The following MAN1A2 variants were observed in gnomAD, a reference collection of about 807,000 sequenced individuals.
MAN1A2 encodes mannosyl-oligosaccharide 1,2-alpha-mannosidase IB.
A neutral mutation model predicts 75.7 loss-of-function variants in MAN1A2; 26 were observed. That is an observed-to-expected ratio of 0.34 (90% confidence interval 0.25 to 0.48). The LOEUF (loss-of-function observed/expected upper bound fraction) is 0.48, where lower values mean the gene tolerates loss of function less well. Among genes scored for constraint, MAN1A2 ranks in the 20% least tolerant of loss-of-function variants. The pLI, the probability that MAN1A2 is intolerant of heterozygous loss-of-function variation, is 0.99. For synonymous variants in MAN1A2, 247 were observed against 264.6 expected, an observed-to-expected ratio of 0.93 and a Z score of 0.65; for missense variants, 562 against 775.5, an observed-to-expected ratio of 0.72 and a Z score of 3.27.
At chr1:117,384,315 G>A (rs563097628) in intron 1 of MAN1A2, among the ~76,000 whole-genome samples, 1 of 152,094 alleles carries the variant, frequency 6.6e-6, no homozygotes, top group East Asian at 1.9e-4. Context: ...ATGTGTTTTT[G>A]TCTTCATTTA....
At chr1:117,414,156 C>G (rs904923905) in intron 3 of MAN1A2, among the ~76,000 whole-genome samples, 8 of 151,196 alleles carry the variant, frequency 5.3e-5, no homozygotes, top group African/African-American at 1.9e-4. Flanking sequence ...TTCCTTTTTT[C>G]AATTTGATCT....
At chr1:117,417,797 A>C (rs1648055400) in intron 4 of MAN1A2, among the ~76,000 whole-genome samples, 1 of 151,376 alleles carries the variant, frequency 6.6e-6, no homozygotes, top group Non-Finnish European at 1.5e-5. Context: ...GGCAGTTTGA[A>C]ATTAATCAAT....
intron 1 of MAN1A2, among the ~76,000 whole-genome samples, chr1:117,372,104 G>A (rs1468190692): frequency 6.6e-6 from 1 of 152,094 alleles, no homozygotes; most frequent in African/African-American, 2.4e-5. Context: ...TAAAAGCAAG[G>A]GAATGACATG....
rs1377998970 is a variant in MAN1A2 at position 117,458,497 on chromosome 1, C to CTCTA, written c.951-1991_951-1990insCTAT. On this transcript the variant is annotated intron_variant, in intron 6 of 12. Transcript: ENST00000356554. Reference sequence around the variant, plus strand: ...TATAAGATGAGAAATATATATATATCTATATATATATATAGATATATATAT... The same window carrying CTCTA: ...TATAAGATGAGAAATATATATATATCTCTATATATATATATATAGATATATATAT... Among the ~76,000 whole-genome samples, 420 of 103,780 alleles carry CTCTA rather than the reference C, an allele frequency of 4.0e-3. 5 individuals are homozygous for CTCTA. Among genetic ancestry groups the CTCTA allele is most frequent in the African/African-American group, 0.013 (399 of 30,374 alleles). The allele number at this position is 103,780 out of a possible 152,430, so 68.1% of individuals were successfully genotyped here. A position where few individuals can be genotyped will look rare whatever the true frequency, so the allele number is the denominator to read the frequency against.
At chr1:117,386,213 T>A (rs2101732708) in intron 1 of MAN1A2, among the ~76,000 whole-genome samples, 1 of 152,316 alleles carries the variant, frequency 6.6e-6, no homozygotes, top group African/African-American at 2.4e-5. Context: ...TGACTTAAAA[T>A]AAAATAAGGG....
At chr1:117,518,067 A>G (rs1651765260) in intron 12 of MAN1A2, among the ~76,000 whole-genome samples, 1 of 152,010 alleles carries the variant, frequency 6.6e-6, no homozygotes, top group South Asian at 2.1e-4. Context: ...TCATAAAAAT[A>G]AAAATATTTG....
intron 6 of MAN1A2, among the ~76,000 whole-genome samples, chr1:117,458,523 A>AATT (rs372300456): frequency 9.5e-6 from 1 of 105,604 alleles, no homozygotes; most frequent in African/African-American, 3.5e-5. Flanking sequence ...ATATATATAT[A>AATT]TTTTTTTTTT....
At chr1:117,458,629 T>C (rs1166297677) in intron 6 of MAN1A2, among the ~76,000 whole-genome samples, 10 of 150,874 alleles carry the variant, frequency 6.6e-5, no homozygotes, top group Admixed American at 2.6e-4. Context: ...GTTTAAGCGA[T>C]TCTCCTGCCT....
intron 9 of MAN1A2, among the ~76,000 whole-genome samples, chr1:117,495,709 G>A (rs1316405076): frequency 6.6e-6 from 1 of 151,630 alleles, no homozygotes; most frequent in African/African-American, 2.4e-5. Context: ...CCATCTTTAG[G>A]CATTTTTGGA....
At chr1:117,387,427 C>T (rs1653571689) in intron 1 of MAN1A2, among the ~76,000 whole-genome samples, 1 of 152,082 alleles carries the variant, frequency 6.6e-6, no homozygotes, top group Admixed American at 6.5e-5. Flanking sequence ...GTTATGATTT[C>T]AATTGGGTGG....
chr1:117,411,475 T>C (rs1647816545), intron 3 of MAN1A2, among the ~76,000 whole-genome samples: 2 of 151,728 alleles, frequency 1.3e-5, no homozygotes, highest in Non-Finnish European at 3.0e-5. Context: ...AAAATTTCAG[T>C]AGAAAACACT....
Position 117,527,609 on chromosome 1 carries a change from TG to T in MAN1A2, c.*4655del, listed in dbSNP as rs1337540900. On this transcript the variant is annotated 3_prime_UTR_variant, in exon 13 of 13. Coordinates refer to ENST00000356554, the MANE Select transcript of MAN1A2 (RefSeq NM_006699.5). ...AGAGACAGAATAGGGTAAGGGAAGA[TG>T]GGTATGCTATCAGCCATTTTCTTTG... is the stretch of plus-strand genomic sequence containing the variant. 1 of 151,974 alleles carries T rather than the reference TG, an allele frequency of 6.6e-6. No individual in the cohort carries two copies. The highest frequency in any genetic ancestry group is 1.5e-5 in the Non-Finnish European group (1 of 67,936). The allele number at this position is 151,974 out of a possible 1,614,324, so 9.4% of individuals were successfully genotyped here.
At chr1:117,506,728 A>G (rs1438691293) in intron 12 of MAN1A2, among the ~76,000 whole-genome samples, 1 of 151,646 alleles carries the variant, frequency 6.6e-6, no homozygotes, top group Non-Finnish European at 1.5e-5. Flanking sequence ...TCCTGGAAGT[A>G]GTAGCATTTG....
chr1:117,491,441 G>A (rs1650881028), intron 8 of MAN1A2, among the ~76,000 whole-genome samples: 1 of 152,024 alleles, frequency 6.6e-6, no homozygotes, highest in Non-Finnish European at 1.5e-5. Context: ...AATATTTTAA[G>A]CACACTGTTG....
chr1:117,475,372 T>C (rs1269550594), intron 8 of MAN1A2, among the ~76,000 whole-genome samples: 1 of 152,006 alleles, frequency 6.6e-6, no homozygotes, highest in African/African-American at 2.4e-5. Context: ...TTTTTTTCCT[T>C]TTTTTAAAAA....
rs987569373 is a variant in MAN1A2, at chr1:117,461,652, G to GTA, written c.1074+1043_1074+1044dup. 2.6e-5 allele frequency among the ~76,000 whole-genome samples: 4 copies of GTA among 151,988 alleles called. No homozygotes were observed. In the East Asian group the frequency reaches 7.7e-4, roughly 29 times the overall value. On this transcript the variant is annotated intron_variant, in intron 7 of 12. Transcript: ENST00000356554. The stretch of plus-strand genomic sequence containing the variant: ...ACATTATATGCTAGTATCAAAATAT[G>GTA]TATAACTCTTTATATCCATAAAAAT...
chr1:117,460,073 A>C (rs1649767770), intron 6 of MAN1A2, among the ~76,000 whole-genome samples: 1 of 152,138 alleles, frequency 6.6e-6, no homozygotes, highest in African/African-American at 2.4e-5. Flanking sequence ...TGTAAAAAAA[A>C]AAAAAAAACT....
Position 117,422,304 on chromosome 1 carries a change from T to C in MAN1A2, c.855+1655T>C, listed in dbSNP as rs546338548. On this transcript the variant is annotated intron_variant, in intron 5 of 12. Coordinates refer to ENST00000356554, the MANE Select transcript of MAN1A2 (RefSeq NM_006699.5). ...CTTAGCATAATGCATTTGAGATTTA[T>C]CCATGTATTAGTAGTTTATTCCTTT... Among the ~76,000 whole-genome samples, 108 of 152,244 alleles carry C rather than the reference T, an allele frequency of 7.1e-4. 1 individual carries two copies. The highest frequency in any genetic ancestry group is 2.6e-3 in the African/African-American group (107 of 41,576).
chr1:117,388,528 G>A (rs1268871307), intron 1 of MAN1A2, among the ~76,000 whole-genome samples: 3 of 152,156 alleles, frequency 2.0e-5, no homozygotes, highest in Non-Finnish European at 2.9e-5. Context: ...AGAAAGTGAA[G>A]GGCGGGGGGA....
Sources: gnomAD v4.1 joint callset for allele counts (sites outside exome capture counted in the v4.1 genomes callset) on GRCh38, gnomAD v4.1.1 for gene constraint, MANE v1.5 for transcripts, NCBI Gene and HGNC (gene_info 2026-07-23, HGNC 2026-07-21) for gene names.